The following TRIP11 variants were observed in gnomAD, a reference collection of about 807,000 sequenced individuals.
TRIP11 encodes thyroid hormone receptor interactor 11.
A neutral mutation model predicts 223.1 loss-of-function variants in TRIP11; 148 were observed. The ratio of observed to expected loss-of-function variants is 0.66; its 90% CI spans 0.58 to 0.76. The LOEUF is 0.76. TRIP11 is among the 30% of genes least tolerant of loss of function. The pLI is 0.00. For synonymous variants in TRIP11, 762 were observed against 772.6 expected, an observed-to-expected ratio of 0.99 and a Z score of 0.23; for missense variants, 2,043 against 2,222.0, an observed-to-expected ratio of 0.92 and a Z score of 1.62.
rs10135582 is a variant in TRIP11 at position 91,966,289 on chromosome 14, C to G, written c.*3384G>C. The G allele has an allele frequency of 0.01, 1,847 of 178,456 alleles. 41 individuals are homozygous for G. Among genetic ancestry groups the G allele is most frequent in the African/African-American group, 0.039 (1,661 of 42,386 alleles). The allele number at this position is 178,456 out of a possible 1,614,324, so 11.1% of individuals were successfully genotyped here. A position where few individuals can be genotyped will look rare whatever the true frequency, so the allele number is the denominator to read the frequency against. ...TGGCAAATAATCACAAATGTCAGAA[C>G]ATTAAAGTAGCATTTTTTCCATAGG... On this transcript the variant is annotated 3_prime_UTR_variant, in exon 21 of 21. Coordinates refer to ENST00000267622, the MANE Select transcript of TRIP11 (RefSeq NM_004239.4).
chr14:92,019,200 C>T (rs2057078776), intron 4 of TRIP11, among the ~76,000 whole-genome samples: 1 of 152,060 alleles, frequency 6.6e-6, no homozygotes, highest in Non-Finnish European at 1.5e-5. Context: ...ATGGAGTAGG[C>T]ATTCAAGATA....
At chr14:91,991,944 G>A (rs765761841) in intron 15 of TRIP11, among the ~76,000 whole-genome samples, 8 of 151,844 alleles carry the variant, frequency 5.3e-5, no homozygotes, top group Middle Eastern at 6.8e-3. Context: ...TTAGCCAGGC[G>A]TGATGGTGTG....
At chr14:92,017,248 T>A (rs909940767) in intron 5 of TRIP11, among the ~76,000 whole-genome samples, 1 of 151,978 alleles carries the variant, frequency 6.6e-6, no homozygotes, top group African/African-American at 2.4e-5. Flanking sequence ...TAAAAAAAAA[T>A]ATTTTTAAAT....
At chr14:92,024,614 T>C (rs1488602495) in intron 3 of TRIP11, among the ~76,000 whole-genome samples, 1 of 152,142 alleles carries the variant, frequency 6.6e-6, no homozygotes, top group African/African-American at 2.4e-5. Context: ...ACCTAAATTT[T>C]AAAAACCCAA....
At chr14:92,034,808 C>T (rs2057306371) in intron 1 of TRIP11, among the ~76,000 whole-genome samples, 1 of 152,078 alleles carries the variant, frequency 6.6e-6, no homozygotes, top group Admixed American at 6.5e-5. Flanking sequence ...AATTTTTTTA[C>T]TTTTTTGGAG....
chr14:92,014,075 C>G, intron 7 of TRIP11, 140 bp downstream of exon 7: 1 of 1,241,284 alleles, frequency 8.1e-7, no homozygotes, highest in South Asian at 1.4e-5. Context: ...CCAAACCACA[C>G]AATTCTACCC....
chr14:91,970,731 T>C (rs2056391621), intron 20 of TRIP11, among the ~76,000 whole-genome samples: 1 of 152,192 alleles, frequency 6.6e-6, no homozygotes, highest in Non-Finnish European at 1.5e-5. Context: ...TGTATGCTTA[T>C]CTAATACCTT....
intron 12 of TRIP11, 87 bp from the exon 13 acceptor site, chr14:91,999,520 T>A (rs942103276): frequency 5.8e-6 from 8 of 1,377,420 alleles, no homozygotes; most frequent in African/African-American, 5.7e-5. Flanking sequence ...TTTCCCATTA[T>A]TGAAGATATT....
rs559262315 is a variant in TRIP11, at chr14:92,018,020, A to G, written c.589-270T>C. ...AAGTTAAGGTAGAAAAATTTATAGA[A>G]TATTTTACTTAGCTTGACAAAATGT... On this transcript the variant is annotated intron_variant, in intron 4 of 20. Coordinates refer to ENST00000267622, the MANE Select transcript of TRIP11 (RefSeq NM_004239.4). Among the ~76,000 whole-genome samples the G allele has an allele frequency of 5.3e-5, 8 of 152,272 alleles. No homozygotes were observed. The South Asian group carries it at 1.7e-3, about 32-fold the overall frequency.
Position 91,972,769 on chromosome 14 carries a change from C to T in TRIP11, c.5667G>A (p.Leu1889=), listed in dbSNP as rs757748946. The T allele has an allele frequency of 1.2e-6, 2 of 1,612,944 alleles. No homozygotes were observed. Among genetic ancestry groups the T allele is most frequent in the South Asian group, 2.2e-5 (2 of 90,904 alleles). Residue 1889 remains leucine (L), a synonymous_variant, in exon 20 of 21, where the codon CTG becomes CTA. Transcript: ENST00000267622. Reference sequence around the variant, plus strand: ...CTCTTTTTCTTCTTCCTGGTGAATCCAGAGGTTTCATATCATGAACAGAAA... The same window carrying T: ...CTCTTTTTCTTCTTCCTGGTGAATCTAGAGGTTTCATATCATGAACAGAAA... The part of the protein sequence containing the change: ...PKLSVHDMKP[L]DSPGRRKRDT...
chr14:91,982,102 T>A (rs565384139), intron 16 of TRIP11, among the ~76,000 whole-genome samples: 78 of 152,356 alleles, frequency 5.1e-4, no homozygotes, highest in African/African-American at 1.8e-3. Flanking sequence ...TGAGGTCTAC[T>A]GGATTATTTG....
intron 2 of TRIP11, among the ~76,000 whole-genome samples, chr14:92,029,526 C>T (rs1252166952): frequency 6.6e-6 from 1 of 151,928 alleles, no homozygotes; most frequent in Non-Finnish European, 1.5e-5. Flanking sequence ...GAACTCCTGA[C>T]CTCATGATCC....
In TRIP11 at chr14:92,021,692, C is replaced by T; in HGVS notation, c.452G>A (p.Ser151Asn). 6.2e-7 allele frequency: 1 copy of T among 1,614,168 alleles called. No individual in the cohort carries two copies. The highest frequency in any genetic ancestry group is 8.5e-7 in the Non-Finnish European group (1 of 1,180,030). Residue 151 changes from serine (S) to asparagine (N), a missense_variant, in exon 4 of 21, where the codon AGT (serine) becomes AAT (asparagine). Coordinates refer to ENST00000267622, the MANE Select transcript of TRIP11 (RefSeq NM_004239.4). Reference protein sequence around the residue: ...TASSSFAYGISHHPSAFHDDD... With the variant: ...TASSSFAYGINHHPSAFHDDD... ...GTCATGGAAAGCTGAAGGATGATGA[C>T]TAATCCCATAAGCGAATGAAGATGA...
At chr14:91,975,993 G>C (rs1317579146) in intron 17 of TRIP11, 115 bp downstream of exon 17, 1 of 933,920 alleles carries the variant, frequency 1.1e-6, no homozygotes, top group African/African-American at 1.7e-5. Context: ...AGAGTGAGGG[G>C]AAAAAAGGCT....
chr14:92,003,303 A>G, intron 11 of TRIP11, 116 bp downstream of exon 11: 2 of 1,393,436 alleles, frequency 1.4e-6, no homozygotes, highest in South Asian at 1.3e-5. Flanking sequence ...CTTGAAATAA[A>G]TATTTCTAAA....
In TRIP11 at chr14:91,974,006, C is replaced by T. The variant is rs1197218672; in HGVS notation, c.5574+621G>A. ...TCGCACCACTGCACTCCAGCCTGGG[C>T]GACAGAGCGAGACTCTGTCTCAAAA... On this transcript the variant is annotated intron_variant, in intron 19 of 20. Transcript: ENST00000267622. 5.9e-5 allele frequency among the ~76,000 whole-genome samples: 9 copies of T among 152,186 alleles called. No individual in the cohort carries two copies. In the East Asian group the frequency reaches 7.7e-4, roughly 13 times the overall value.
rs59244424 is a variant in TRIP11 at position 91,993,476 on chromosome 14, C to CA, written c.5160+332dup. Among the ~76,000 whole-genome samples the CA allele has an allele frequency of 0.065, 3,306 of 50,516 alleles. 172 individuals carry two copies. Among genetic ancestry groups the CA allele is most frequent in the African/African-American group, 0.17 (2,378 of 14,028 alleles). The allele number at this position is 50,516 out of a possible 152,430, so 33.1% of individuals were successfully genotyped here. A position where few individuals can be genotyped will look rare whatever the true frequency, so the allele number is the denominator to read the frequency against. ...GGGTAACAAGAGTGAAACTCGGTCT[C>CA]AAAAAAAAAAAAAAAAAAAAAAAGA... On this transcript the variant is annotated intron_variant, in intron 15 of 20. Coordinates refer to ENST00000267622, the MANE Select transcript of TRIP11 (RefSeq NM_004239.4).
At chr14:91,992,124 T>C (rs1381847227) in intron 15 of TRIP11, among the ~76,000 whole-genome samples, 4 of 143,794 alleles carry the variant, frequency 2.8e-5, no homozygotes, top group Non-Finnish European at 6.1e-5. Flanking sequence ...GAAAAATTAC[T>C]GAATTTACAT....
chr14:92,026,633 T>C (rs1476041989), intron 2 of TRIP11: 12 of 1,201,534 alleles, frequency 1.0e-5, no homozygotes, highest in Non-Finnish European at 1.5e-5. Flanking sequence ...AAGAAGGAAG[T>C]TGTGGAAGAG....
Sources: allele counts gnomAD v4.1 joint callset (sites outside exome capture counted in the v4.1 genomes callset), GRCh38; gene constraint gnomAD v4.1.1; transcripts MANE v1.5; gene names NCBI Gene and HGNC (gene_info 2026-07-23, HGNC 2026-07-21).